Variants in PCDH9 observed in about 807,000 individuals in gnomAD.
PCDH9 encodes the protein protocadherin 9, also known as protocadherin-9.
A neutral mutation model predicts 70.6 loss-of-function variants in PCDH9; 24 were observed. The observed-to-expected ratio is 0.34, with a 90% confidence interval of 0.25 to 0.48. The LOEUF is 0.48. Ranked by LOEUF, PCDH9 falls within the 20% of genes least tolerant of loss-of-function variation. PCDH9 has a pLI of 0.99. For synonymous variants in PCDH9, 562 were observed against 558.5 expected (o/e 1.01, Z -0.09); for missense variants, 1,281 against 1,503.6 (o/e 0.85, Z 2.45).
intron 3 of PCDH9, among the ~76,000 whole-genome samples, chr13:66,688,092 T>A (rs1317533248): frequency 6.6e-6 from 1 of 152,210 alleles, no homozygotes; most frequent in African/African-American, 2.4e-5. Flanking sequence ...TTCTAACACT[T>A]CCTCTTCTAT....
intron 3 of PCDH9, among the ~76,000 whole-genome samples, chr13:66,732,930 C>T (rs1451695880): frequency 6.6e-6 from 1 of 152,028 alleles, no homozygotes; most frequent in East Asian, 1.9e-4. Context: ...GACATATATA[C>T]ACACAGATGT....
intron 2 of PCDH9, among the ~76,000 whole-genome samples, chr13:67,134,210 T>C (rs528055920): frequency 8.2e-4 from 125 of 152,272 alleles, no homozygotes; most frequent in Admixed American, 2.2e-3. Flanking sequence ...GGTTGTATCC[T>C]GTTCTTTTCT....
At chr13:67,215,808 T>G (rs567685489) in intron 2 of PCDH9, 1 of 152,282 alleles carries the variant, frequency 6.6e-6, no homozygotes, top group African/African-American at 2.4e-5. Context: ...GCATCAAAAT[T>G]TACTGAATGC....
At chr13:66,404,678 T>C (rs953227651) in intron 4 of PCDH9, among the ~76,000 whole-genome samples, 19 of 152,176 alleles carry the variant, frequency 1.2e-4, no homozygotes, top group African/African-American at 4.3e-4. Context: ...CATAATGTAG[T>C]TGTAAACCTT....
chr13:66,692,774 G>T (rs771809791), intron 3 of PCDH9, among the ~76,000 whole-genome samples: 1 of 151,744 alleles, frequency 6.6e-6, no homozygotes, highest in South Asian at 2.1e-4. Flanking sequence ...ATTTAGAGAC[G>T]AACTAGAAAA....
intron 2 of PCDH9, among the ~76,000 whole-genome samples, chr13:67,108,862 T>C (rs886374407): frequency 6.6e-6 from 1 of 152,150 alleles, no homozygotes; most frequent in Non-Finnish European, 1.5e-5. Context: ...AATGTTAGAA[T>C]AACATTGTAA....
rs577000998 is a variant in PCDH9 at position 66,569,537 on chromosome 13, C to G, written c.3340+61673G>C. Reference sequence around the variant, plus strand: ...ATGTCATTGTACTGTAACGTCATTACAAATCACATTATATGCTGTTTTTCC... The same window carrying G: ...ATGTCATTGTACTGTAACGTCATTAGAAATCACATTATATGCTGTTTTTCC... On this transcript the variant is annotated intron_variant, in intron 4 of 4. Transcript: ENST00000377865. 4.1e-4 allele frequency among the ~76,000 whole-genome samples: 63 copies of G among 152,170 alleles called. 1 individual carries two copies. The highest frequency in any genetic ancestry group is 1.4e-3 in the African/African-American group (57 of 41,532).
At chr13:66,392,946 A>T (rs1280409678) in intron 4 of PCDH9, among the ~76,000 whole-genome samples, 1 of 150,094 alleles carries the variant, frequency 6.7e-6, no homozygotes, top group Non-Finnish European at 1.5e-5. Context: ...AGGAATAATT[A>T]ATTTACTCCT....
At chr13:66,791,183 C>T (rs1318532897) in intron 3 of PCDH9, among the ~76,000 whole-genome samples, 1 of 152,028 alleles carries the variant, frequency 6.6e-6, no homozygotes, top group South Asian at 2.1e-4. Context: ...TGCACATAAA[C>T]ACATGGAGAA....
At chr13:66,940,406 A>T (rs1368250768) in intron 2 of PCDH9, among the ~76,000 whole-genome samples, 1 of 152,108 alleles carries the variant, frequency 6.6e-6, no homozygotes, top group African/African-American at 2.4e-5. Context: ...TTTTTCAGAG[A>T]ACCAGTAAGC....
chr13:66,816,882 G>A, intron 3 of PCDH9, among the ~76,000 whole-genome samples: 1 of 150,966 alleles, frequency 6.6e-6, no homozygotes. Context: ...GTGGTGGTGT[G>A]TTGATGGTAT....
chr13:66,495,682 A>G (rs1959105532), intron 4 of PCDH9, among the ~76,000 whole-genome samples: 1 of 152,186 alleles, frequency 6.6e-6, no homozygotes, highest in Non-Finnish European at 1.5e-5. Context: ...GGTTCTGGGT[A>G]GAGAACACAC....
At chr13:66,866,429 C>A (rs908937340) in intron 3 of PCDH9, among the ~76,000 whole-genome samples, 3 of 152,002 alleles carry the variant, frequency 2.0e-5, no homozygotes, top group East Asian at 3.9e-4. Flanking sequence ...TTGCAGTGAG[C>A]TGAGATTGCG....
intron 4 of PCDH9, among the ~76,000 whole-genome samples, chr13:66,406,427 C>A (rs1407232463): frequency 1.3e-5 from 2 of 152,174 alleles, no homozygotes; most frequent in African/African-American, 4.8e-5. Context: ...AGACTATAAG[C>A]ACACATCAAG....
At chr13:66,581,097 A>C (rs2076885542) in intron 4 of PCDH9, among the ~76,000 whole-genome samples, 1 of 152,190 alleles carries the variant, frequency 6.6e-6, no homozygotes, top group African/African-American at 2.4e-5. Context: ...GAGAGCTACT[A>C]AACTTTACCA....
intron 4 of PCDH9, among the ~76,000 whole-genome samples, chr13:66,377,066 T>G (rs979186111): frequency 2.0e-5 from 3 of 152,082 alleles, no homozygotes; most frequent in Non-Finnish European, 4.4e-5. Context: ...CGGAGAGAAT[T>G]TGTGTTTTGG....
intron 3 of PCDH9, among the ~76,000 whole-genome samples, chr13:66,870,853 A>G (rs1335142580): frequency 6.6e-6 from 1 of 152,180 alleles, no homozygotes; most frequent in South Asian, 2.1e-4. Context: ...ATCTAGAACT[A>G]GAAATACCAT....
intron 4 of PCDH9, among the ~76,000 whole-genome samples, chr13:66,456,161 A>G (rs963024898): frequency 2.6e-5 from 4 of 152,202 alleles, no homozygotes; most frequent in African/African-American, 9.6e-5. Flanking sequence ...TTAGAAAACA[A>G]AAGTTAATAT....
chr13:67,191,162 T>C (rs181993214), intron 2 of PCDH9, among the ~76,000 whole-genome samples: 75 of 152,266 alleles, frequency 4.9e-4, no homozygotes, highest in East Asian at 3.1e-3. Flanking sequence ...TCTGAGCTTA[T>C]AAGTTTTACT....
Sources: allele counts gnomAD v4.1 joint callset (sites outside exome capture counted in the v4.1 genomes callset), GRCh38; gene constraint gnomAD v4.1.1; transcripts MANE v1.5; gene names NCBI Gene and HGNC (gene_info 2026-07-23, HGNC 2026-07-21).